The following PTPRT variants were observed in gnomAD, a reference collection of about 807,000 sequenced individuals.
PTPRT encodes the protein protein tyrosine phosphatase receptor type T, also known as receptor-type tyrosine-protein phosphatase T.
A neutral mutation model predicts 176.8 loss-of-function variants in PTPRT; 56 were observed. The ratio of observed to expected loss-of-function variants is 0.32; its 90% confidence interval spans 0.26 to 0.40. The LOEUF is 0.40. Ranked by LOEUF, PTPRT falls within the 10% of genes least tolerant of loss-of-function variation. The probability of loss-of-function intolerance (pLI) is 1.00; values close to 1 mark genes in which losing one functional copy is unlikely to be tolerated. For missense variants in PTPRT, 1,540 were observed against 1,908.2 expected, an observed-to-expected ratio of 0.81 and a Z score of 3.60; for synonymous variants, 783 against 739.0, an observed-to-expected ratio of 1.06 and a Z score of -0.96.
At chr20:42,387,833 C>A (rs1167567506) in intron 9 of PTPRT, among the ~76,000 whole-genome samples, 1 of 151,118 alleles carries the variant, frequency 6.6e-6, no homozygotes. Context: ...GCCCTGTCGC[C>A]CAGACTGCAG....
chr20:42,954,101 G>A (rs998308457), intron 1 of PTPRT, among the ~76,000 whole-genome samples: 2 of 152,058 alleles, frequency 1.3e-5, no homozygotes, highest in Non-Finnish European at 2.9e-5. Flanking sequence ...TGAGCTGAGG[G>A]TGGGCCCTCG....
At chr20:43,044,058 G>T (rs953551183) in intron 1 of PTPRT, among the ~76,000 whole-genome samples, 1 of 152,126 alleles carries the variant, frequency 6.6e-6, no homozygotes, top group Non-Finnish European at 1.5e-5. Context: ...TGGCATCATT[G>T]TGGTTCAAGT....
intron 7 of PTPRT, among the ~76,000 whole-genome samples, chr20:42,557,773 G>T (rs2072885140): frequency 6.6e-6 from 1 of 152,152 alleles, no homozygotes; most frequent in Admixed American, 6.6e-5. Context: ...CTGGAAATGT[G>T]TACCTCACCT....
At chr20:42,777,796 G>A (rs1163770189) in intron 4 of PTPRT, among the ~76,000 whole-genome samples, 1 of 152,176 alleles carries the variant, frequency 6.6e-6, no homozygotes, top group Non-Finnish European at 1.5e-5. Context: ...AACTCCACAT[G>A]ATTCGTGAGC....
intron 9 of PTPRT, among the ~76,000 whole-genome samples, chr20:42,438,482 ACT>A (rs542300928): frequency 1.8e-3 from 270 of 152,298 alleles, no homozygotes; most frequent in African/African-American, 6.2e-3. Flanking sequence ...CTGTCAGTTA[ACT>A]CTCCAATGAA....
Position 42,727,658 on chromosome 20 carries a change from CA to C in PTPRT, c.859+28803del, listed in dbSNP as rs561018957. Reference sequence around the variant, plus strand: ...CTGGTATGCCCACCAATGTTCAATTCAGTAGAAAGTTTTCTTCTGGAGACTC... The same window carrying C: ...CTGGTATGCCCACCAATGTTCAATTCGTAGAAAGTTTTCTTCTGGAGACTC... On this transcript the variant is annotated intron_variant, in intron 6 of 30. Transcript: ENST00000373187. Among the ~76,000 whole-genome samples, 646 of 152,292 alleles carry C rather than the reference CA, an allele frequency of 4.2e-3. 2 individuals are homozygous for C. Among genetic ancestry groups the C allele is most frequent in the African/African-American group, 0.014 (583 of 41,558 alleles).
intron 7 of PTPRT, among the ~76,000 whole-genome samples, chr20:42,625,374 C>G (rs1173738179): frequency 6.6e-6 from 1 of 151,336 alleles, no homozygotes. Flanking sequence ...TAGGTATGTA[C>G]TATGAAGTGA....
chr20:42,448,716 G>A (rs78490119), intron 8 of PTPRT, among the ~76,000 whole-genome samples: 1 of 152,128 alleles, frequency 6.6e-6, no homozygotes, highest in African/African-American at 2.4e-5. Context: ...GCAGTTTCCA[G>A]TTCTGCCAGA....
At chr20:42,966,656 C>T (rs1982312222) in intron 1 of PTPRT, among the ~76,000 whole-genome samples, 1 of 152,166 alleles carries the variant, frequency 6.6e-6, no homozygotes, top group Non-Finnish European at 1.5e-5. Flanking sequence ...CACATGTGAA[C>T]CACATCAAAA....
intron 1 of PTPRT, among the ~76,000 whole-genome samples, chr20:43,081,253 T>C (rs931827781): frequency 1.3e-5 from 2 of 152,188 alleles, no homozygotes; most frequent in Non-Finnish European, 2.9e-5. Context: ...CCTAATGATT[T>C]TGGGAGGAGG....
At chr20:42,739,407 G>A (rs2076576646) in intron 6 of PTPRT, among the ~76,000 whole-genome samples, 1 of 152,164 alleles carries the variant, frequency 6.6e-6, no homozygotes, top group Non-Finnish European at 1.5e-5. Flanking sequence ...CTGTTTTTCA[G>A]GAGGGACTAT....
Position 42,418,741 on chromosome 20 carries a change from T to C in PTPRT, c.1560+29479A>G, listed in dbSNP as rs1026827468. ...GGGGTAGGGTATTCAGCCAGGACCA[T>C]AGGGGCCGGGTCATGTTATGGGAAA... On this transcript the variant is annotated intron_variant, in intron 9 of 30. Coordinates refer to ENST00000373187, the MANE Select transcript of PTPRT (RefSeq NM_007050.6). Among the ~76,000 whole-genome samples, 51 of 152,106 alleles carry C rather than the reference T, an allele frequency of 3.4e-4. 2 individuals are homozygous for C. The highest frequency in any genetic ancestry group is 2.8e-3 in the Admixed American group (43 of 15,288).
At position 43,091,824 on chromosome 20, in the gene PTPRT, G is replaced by A. The variant is rs144823123; in HGVS notation, c.88+97822C>T. ...ACTTCACAGCGTGCAATTGAACAAC[G>A]GTGAGATATTCATGATTCGGTGAAG... On this transcript the variant is annotated intron_variant, in intron 1 of 30. Transcript: ENST00000373187. Among the ~76,000 whole-genome samples the A allele has an allele frequency of 3.0e-3, 460 of 152,222 alleles. 3 individuals carry two copies. The highest frequency in any genetic ancestry group is 0.011 in the African/African-American group (442 of 41,512).
chr20:42,276,568 G>C (rs1273465672), intron 13 of PTPRT, among the ~76,000 whole-genome samples: 1 of 101,264 alleles, frequency 9.9e-6, no homozygotes, highest in Non-Finnish European at 2.0e-5. Context: ...TAATGTTCTT[G>C]AATACTTGGT....
chr20:42,920,079 T>C (rs1979044159), intron 1 of PTPRT, among the ~76,000 whole-genome samples: 2 of 152,166 alleles, frequency 1.3e-5, no homozygotes, highest in Admixed American at 6.5e-5. Flanking sequence ...ATCAAGAACA[T>C]ATTAAAAGAA....
chr20:42,036,855 A>G, the PTPRT span, among the ~76,000 whole-genome samples: 1 of 152,202 alleles, frequency 6.6e-6, no homozygotes, highest in Non-Finnish European at 1.5e-5. Context: ...AGCACCTTGC[A>G]TATCAGCAGA....
At chr20:42,634,537 C>A (rs11699493) in intron 7 of PTPRT, among the ~76,000 whole-genome samples, 15 of 151,720 alleles carry the variant, frequency 9.9e-5, no homozygotes, top group Non-Finnish European at 1.8e-4. Context: ...GGTTGTTTTG[C>A]AGCACAGACT....
intron 7 of PTPRT, among the ~76,000 whole-genome samples, chr20:42,664,547 A>G (rs1309895361): frequency 1.3e-5 from 2 of 152,216 alleles, no homozygotes; most frequent in African/African-American, 4.8e-5. Context: ...ATGGTAATAT[A>G]TGCAATAAAT....
At chr20:42,163,520 C>G (rs949073280) in intron 16 of PTPRT, among the ~76,000 whole-genome samples, 2 of 152,140 alleles carry the variant, frequency 1.3e-5, no homozygotes, top group African/African-American at 4.8e-5. Context: ...CTCCATCAAC[C>G]CCTTGGTTTC....
Sources: allele counts gnomAD v4.1 joint callset (sites outside exome capture counted in the v4.1 genomes callset), GRCh38; gene constraint gnomAD v4.1.1; transcripts MANE v1.5; gene names NCBI Gene and HGNC (gene_info 2026-07-23, HGNC 2026-07-21).